The following CFAP57 variants were observed in gnomAD, a reference collection of about 807,000 sequenced individuals.
CFAP57 encodes cilia and flagella associated protein 57.
CFAP57 carries 116 observed loss-of-function variants against 146.8 expected under a neutral mutation model. That is an observed-to-expected ratio of 0.79 (90% confidence interval 0.68 to 0.92). The LOEUF (loss-of-function observed/expected upper bound fraction) is 0.92, where lower values mean the gene tolerates loss of function less well. Ranked by LOEUF, CFAP57 falls within the 40% of genes least tolerant of loss-of-function variation. CFAP57 has a pLI of 0.00. For synonymous variants in CFAP57, 518 were observed against 552.8 expected (o/e 0.94, Z 0.88); for missense variants, 1,377 against 1,527.2 (o/e 0.90, Z 1.64).
intron 21 of CFAP57, among the ~76,000 whole-genome samples, chr1:43,239,232 G>A (rs1240397933): frequency 1.3e-5 from 2 of 151,676 alleles, no homozygotes; most frequent in African/African-American, 2.4e-5. Context: ...ACATGAATAC[G>A]TGAATGAATG....
chr1:43,219,417 G>A lies in CFAP57; in HGVS notation c.2127G>A (p.Glu709=), dbSNP rs1322664993. 5 of 1,550,672 alleles carry A rather than the reference G, an allele frequency of 3.2e-6. No individual in the cohort carries two copies. The East Asian group carries it at 7.3e-5, about 23-fold the overall frequency. The part of the protein sequence containing the change: ...QVMLELKTRV[E]ELKMENEYQL... ...TGTTGGAGCTAAAGACTCGTGTGGAGGAATTAAAAATGGAGAATGAGTATC... is the reference window on the plus strand; with the variant it reads ...TGTTGGAGCTAAAGACTCGTGTGGAAGAATTAAAAATGGAGAATGAGTATC... Residue 709 remains glutamate (E), a synonymous_variant, in exon 13 of 23, where the codon GAG becomes GAA. Coordinates refer to ENST00000372492, the MANE Select transcript of CFAP57 (RefSeq NM_001378189.1).
chr1:43,208,690 T>C (rs1644463390), intron 10 of CFAP57, among the ~76,000 whole-genome samples: 1 of 152,148 alleles, frequency 6.6e-6, no homozygotes, highest in Admixed American at 6.5e-5. Context: ...ATATATCTAA[T>C]GTAAATGACG....
intron 7 of CFAP57, 114 bp from the exon 8 acceptor site, chr1:43,198,367 T>C: frequency 8.3e-7 from 1 of 1,207,300 alleles, no homozygotes; most frequent in Non-Finnish European, 1.2e-6. Flanking sequence ...AACCAACAAT[T>C]GCAAACAGTA....
Position 43,197,659 on chromosome 1 carries a change from A to G in CFAP57, c.1229A>G (p.Asp410Gly), listed in dbSNP as rs1437175675. 1.2e-6 allele frequency: 2 copies of G among 1,614,028 alleles called. No homozygotes were observed. Among genetic ancestry groups the G allele is most frequent in the African/African-American group, 2.7e-5 (2 of 74,904 alleles). Residue 410 changes from aspartate to glycine, a missense_variant, in exon 7 of 23, where the codon GAT (aspartate) becomes GGT (glycine). Asp to Gly is a moderately conservative substitution (Grantham distance 94). Coordinates refer to ENST00000372492, the MANE Select transcript of CFAP57 (RefSeq NM_001378189.1). ...RKPLIATCSL[D>G]RSIRLWNYET... is the part of the protein sequence containing the mutation. ...CCCCTTATAGCCACCTGTTCTCTGG[A>G]TCGATCCATCCGCCTTTGGAATTAT...
intron 16 of CFAP57, 136 bp downstream of exon 16, chr1:43,223,133 G>A: frequency 1.0e-6 from 1 of 994,696 alleles, no homozygotes; most frequent in South Asian, 1.9e-5. Context: ...GCTGGGAGAA[G>A]AGCACCAGCC....
At chr1:43,179,106 A>G (rs1357623528) in intron 2 of CFAP57, among the ~76,000 whole-genome samples, 3 of 152,246 alleles carry the variant, frequency 2.0e-5, no homozygotes, top group East Asian at 3.9e-4. Flanking sequence ...GGACACAGGA[A>G]AGGGAACATC....
chr1:43,190,396 G>T (rs1305450751), intron 6 of CFAP57, among the ~76,000 whole-genome samples: 1 of 150,710 alleles, frequency 6.6e-6, no homozygotes, highest in Non-Finnish European at 1.5e-5. Flanking sequence ...TCAGACTCCC[G>T]AGTAGCTGGA....
At chr1:43,251,050 C>A (rs1646311826) in intron 22 of CFAP57, among the ~76,000 whole-genome samples, 1 of 152,216 alleles carries the variant, frequency 6.6e-6, no homozygotes, top group South Asian at 2.1e-4. Context: ...CGGAAATTCA[C>A]CTCCAGCCAA....
chr1:43,207,005 A>G (rs1644387232), intron 10 of CFAP57, 73 bp downstream of exon 10: 2 of 1,493,338 alleles, frequency 1.3e-6, no homozygotes, highest in East Asian at 2.3e-5. Context: ...CTTACAGCAC[A>G]AAGTATGCAC....
intron 21 of CFAP57, among the ~76,000 whole-genome samples, chr1:43,239,231 C>T (rs1009413452): frequency 2.1e-5 from 3 of 144,010 alleles, no homozygotes; most frequent in Non-Finnish European, 4.5e-5. Context: ...TACATGAATA[C>T]GTGAATGAAT....
At chr1:43,242,651 C>A (rs1259922015) in intron 21 of CFAP57, among the ~76,000 whole-genome samples, 2 of 152,124 alleles carry the variant, frequency 1.3e-5, no homozygotes, top group Non-Finnish European at 2.9e-5. Context: ...AATGTGGGTT[C>A]AGCAAATGAA....
chr1:43,172,916 AC>A lies in CFAP57; in HGVS notation c.157+7del. The A allele has an allele frequency of 6.2e-7, 1 of 1,613,178 alleles. No homozygotes were observed. Among genetic ancestry groups the A allele is most frequent in the African/African-American group, 1.3e-5 (1 of 74,996 alleles). The stretch of plus-strand genomic sequence containing the variant: ...ATGGCAAAAATTCATTCCAGGTAAA[AC>A]TTTTTCCATCCTGACATATACAGGA... On this transcript the variant is annotated splice_region_variant and intron_variant, in intron 2 of 22. Transcript: ENST00000372492.
chr1:43,196,257 A>T (rs633855), intron 6 of CFAP57, among the ~76,000 whole-genome samples: 4,239 of 152,296 alleles, frequency 0.028, 149 homozygotes, highest in African/African-American at 0.079. Flanking sequence ...TTTTGTTTTT[A>T]AGACAAGAGA....
chr1:43,235,078 T>A (rs1248743039), intron 21 of CFAP57, among the ~76,000 whole-genome samples: 1 of 152,144 alleles, frequency 6.6e-6, no homozygotes, highest in East Asian at 1.9e-4. Context: ...CCTGACTTTG[T>A]TTTGCTCCTT....
At chr1:43,219,632 G>C in intron 13 of CFAP57, 95 bp downstream of exon 13, 1 of 1,400,222 alleles carries the variant, frequency 7.1e-7, no homozygotes, top group South Asian at 1.3e-5. Flanking sequence ...TGCTCAAACA[G>C]TAAGATATGT....
chr1:43,195,322 G>T (rs1643801076), intron 6 of CFAP57, among the ~76,000 whole-genome samples: 1 of 152,024 alleles, frequency 6.6e-6, no homozygotes. Flanking sequence ...AAGAGATCGA[G>T]ACCATCCTGG....
chr1:43,184,553 A>C (rs1207430410), intron 4 of CFAP57, among the ~76,000 whole-genome samples: 1 of 152,086 alleles, frequency 6.6e-6, no homozygotes, highest in Non-Finnish European at 1.5e-5. Context: ...GAAACTGAGG[A>C]TCAAAGAGGT....
chr1:43,235,382 G>A (rs1645648118), intron 21 of CFAP57, among the ~76,000 whole-genome samples: 1 of 152,192 alleles, frequency 6.6e-6, no homozygotes, highest in Admixed American at 6.5e-5. Context: ...ATGTGAATTA[G>A]TATCAAAAGG....
chr1:43,179,526 G>A (rs933724101), intron 2 of CFAP57, among the ~76,000 whole-genome samples: 2 of 152,182 alleles, frequency 1.3e-5, no homozygotes, highest in East Asian at 3.9e-4. Context: ...ATTCAAATGA[G>A]TAGGACTGTG....
Sources: allele counts gnomAD v4.1 joint callset (sites outside exome capture counted in the v4.1 genomes callset), GRCh38; gene constraint gnomAD v4.1.1; transcripts MANE v1.5; gene names NCBI Gene and HGNC (gene_info 2026-07-23, HGNC 2026-07-21).